PLCH1: variants seen among roughly 807,000 people sequenced by gnomAD.
PLCH1 encodes the protein 1-phosphatidylinositol 4,5-bisphosphate phosphodiesterase eta-1.
In PLCH1, 60 loss-of-function variants were observed where a neutral mutation model predicts 126.7. The observed-to-expected ratio is 0.47, with a 90% CI of 0.38 to 0.59. PLCH1 has a LOEUF of 0.59. PLCH1 is among the 20% of genes least tolerant of loss of function. The pLI, the probability that PLCH1 is intolerant of heterozygous loss-of-function variation, is 0.00. For synonymous variants in PLCH1, 719 were observed against 734.9 expected, an observed-to-expected ratio of 0.98 and a Z score of 0.35; for missense variants, 1,723 against 2,040.0, an observed-to-expected ratio of 0.84 and a Z score of 2.99.
At chr3:155,516,765 A>C (rs905917922) in intron 11 of PLCH1, among the ~76,000 whole-genome samples, 1 of 152,076 alleles carries the variant, frequency 6.6e-6, no homozygotes, top group African/African-American at 2.4e-5. Flanking sequence ...TTAAAAAAAA[A>C]ACCATGTATT....
intron 21 of PLCH1, among the ~76,000 whole-genome samples, chr3:155,454,174 A>C (rs73011519): frequency 0.032 from 4,804 of 152,274 alleles, 248 homozygotes; most frequent in African/African-American, 0.11. Flanking sequence ...TGGGCTTGCT[A>C]TCTGATGTAC....
At chr3:155,583,111 T>C (rs976716618) in intron 6 of PLCH1, among the ~76,000 whole-genome samples, 1 of 150,018 alleles carries the variant, frequency 6.7e-6, no homozygotes, top group African/African-American at 2.4e-5. Context: ...TATACTAATA[T>C]GAATTTATAC....
chr3:155,562,540 A>T (rs1449796173), intron 8 of PLCH1, among the ~76,000 whole-genome samples: 1 of 152,108 alleles, frequency 6.6e-6, no homozygotes, highest in East Asian at 1.9e-4. Context: ...CTACTTCTCT[A>T]AGCAGATGAG....
chr3:155,676,049 T>C, intron 2 of PLCH1: 1 of 1,533,634 alleles, frequency 6.5e-7, no homozygotes, highest in Non-Finnish European at 8.8e-7. Flanking sequence ...TTAAATTTAA[T>C]ACTATTACAC....
At chr3:155,599,064 T>C (rs1457665646) in intron 2 of PLCH1, among the ~76,000 whole-genome samples, 2 of 133,596 alleles carry the variant, frequency 1.5e-5, no homozygotes, top group African/African-American at 5.6e-5. Context: ...ATCTACCTTT[T>C]TCAAGCCAGG....
intron 2 of PLCH1, among the ~76,000 whole-genome samples, chr3:155,615,127 A>C (rs1735624940): frequency 6.6e-6 from 1 of 152,224 alleles, no homozygotes; most frequent in Admixed American, 6.5e-5. Context: ...GGGTAAGGAC[A>C]TGAAAAGGCA....
chr3:155,625,180 G>A (rs1299124128), intron 2 of PLCH1, among the ~76,000 whole-genome samples: 6 of 152,162 alleles, frequency 3.9e-5, no homozygotes, highest in South Asian at 4.1e-4. Context: ...TGGGAAAATT[G>A]GCTAGCCATA....
intron 2 of PLCH1, among the ~76,000 whole-genome samples, chr3:155,631,114 C>A (rs1053067954): frequency 6.5e-4 from 99 of 152,234 alleles, no homozygotes; most frequent in African/African-American, 2.3e-3. Context: ...ACATTTAAGT[C>A]ACCTTTGCCT....
intron 11 of PLCH1, among the ~76,000 whole-genome samples, chr3:155,516,814 A>T (rs2108254971): frequency 6.6e-6 from 1 of 152,126 alleles, no homozygotes; most frequent in African/African-American, 2.4e-5. Flanking sequence ...TTAAAGAGGA[A>T]TACCCCCCAC....
intron 11 of PLCH1, among the ~76,000 whole-genome samples, chr3:155,518,565 G>A (rs2108264854): frequency 6.6e-6 from 1 of 152,236 alleles, no homozygotes; most frequent in East Asian, 1.9e-4. Context: ...ATTTTAAAAA[G>A]CCATTATTTC....
At chr3:155,722,143 C>T (rs762708102) in intron 1 of PLCH1, among the ~76,000 whole-genome samples, 12 of 151,958 alleles carry the variant, frequency 7.9e-5, no homozygotes, top group Non-Finnish European at 1.3e-4. Flanking sequence ...ATAATGGTGG[C>T]TGTGGGTTTG....
Position 155,638,707 on chromosome 3 carries a change from C to T in PLCH1, c.80-42329G>A, listed in dbSNP as rs1739023456. 2.6e-5 allele frequency among the ~76,000 whole-genome samples: 4 copies of T among 152,334 alleles called. No individual in the cohort carries two copies. The South Asian group carries it at 8.3e-4, about 32-fold the overall frequency. On this transcript the variant is annotated intron_variant, in intron 2 of 22. Coordinates refer to ENST00000460012, the MANE Select transcript of PLCH1 (RefSeq NM_014996.4). ...CCTCCAGCTTCCCAGATAATACAAACTCTCTTGTTATTTAATTAATGTCAA... is the reference window on the plus strand; with the variant it reads ...CCTCCAGCTTCCCAGATAATACAAATTCTCTTGTTATTTAATTAATGTCAA...
chr3:155,460,453 T>A (rs985211367), intron 21 of PLCH1, among the ~76,000 whole-genome samples: 1 of 152,098 alleles, frequency 6.6e-6, no homozygotes, highest in South Asian at 2.1e-4. Flanking sequence ...ATGGGTCCAA[T>A]AGATATAAGG....
At chr3:155,585,752 C>T (rs1731276427) in intron 5 of PLCH1, among the ~76,000 whole-genome samples, 1 of 152,186 alleles carries the variant, frequency 6.6e-6, no homozygotes, top group South Asian at 2.1e-4. Context: ...CTGATCCTCA[C>T]AAGAGCCCTG....
chr3:155,516,584 G>A (rs1720343274), intron 11 of PLCH1, among the ~76,000 whole-genome samples: 1 of 152,108 alleles, frequency 6.6e-6, no homozygotes, highest in Non-Finnish European at 1.5e-5. Flanking sequence ...TCCTTGGGTA[G>A]CAACTCTAGA....
At chr3:155,555,718 T>C (rs1227173484) in intron 8 of PLCH1, among the ~76,000 whole-genome samples, 1 of 152,166 alleles carries the variant, frequency 6.6e-6, no homozygotes, top group Non-Finnish European at 1.5e-5. Context: ...TCTTTTCTTC[T>C]TTCTTTAAAG....
intron 2 of PLCH1, among the ~76,000 whole-genome samples, chr3:155,655,439 A>AG (rs1490755841): frequency 6.7e-6 from 1 of 148,398 alleles, no homozygotes; most frequent in Admixed American, 6.6e-5. Flanking sequence ...GAGAAAAAAA[A>AG]AAAGAAGAAG....
chr3:155,692,539 T>A (rs1195146316), intron 2 of PLCH1, among the ~76,000 whole-genome samples: 1 of 149,442 alleles, frequency 6.7e-6, no homozygotes, highest in East Asian at 2.0e-4. Context: ...TTGGGTTGAG[T>A]CCAACCATCA....
At chr3:155,684,681 TTG>T (rs746943876) in intron 2 of PLCH1, among the ~76,000 whole-genome samples, 8 of 152,186 alleles carry the variant, frequency 5.3e-5, no homozygotes, top group Admixed American at 3.3e-4. Context: ...AGGAAAGAGA[TTG>T]TACTGGCTCC....
Sources: gnomAD v4.1 joint callset for allele counts (sites outside exome capture counted in the v4.1 genomes callset) on GRCh38, gnomAD v4.1.1 for gene constraint, MANE v1.5 for transcripts, NCBI Gene and HGNC (gene_info 2026-07-23, HGNC 2026-07-21) for gene names.